The following UPF2 variants were observed in gnomAD, a reference collection of about 807,000 sequenced individuals.
UPF2 encodes the protein UPF2 regulator of nonsense mediated mRNA decay, also known as regulator of nonsense transcripts 2.
UPF2 carries 17 observed loss-of-function variants against 141.4 expected under a neutral mutation model. That is an observed-to-expected ratio of 0.12 (90% CI 0.08 to 0.18). The LOEUF (loss-of-function observed/expected upper bound fraction) is 0.18. Among genes scored for constraint, UPF2 ranks in the 10% least tolerant of loss-of-function variants. UPF2 has a pLI of 1.00. For synonymous variants in UPF2, 540 were observed against 498.0 expected (o/e 1.08, Z -1.12); for missense variants, 1,152 against 1,515.9 (o/e 0.76, Z 3.99).
chr10:11,977,748 T>C (rs1833529934), intron 9 of UPF2, among the ~76,000 whole-genome samples: 1 of 152,222 alleles, frequency 6.6e-6, no homozygotes, highest in African/African-American at 2.4e-5. Context: ...GTGTGTTCTT[T>C]GAGGGGCTCC....
In UPF2 at chr10:12,042,313, G is replaced by A. The variant is rs1288298013; in HGVS notation, c.-19+442C>T. Among the ~76,000 whole-genome samples, 2 of 151,492 alleles carry A rather than the reference G, an allele frequency of 1.3e-5. No homozygotes were observed. Among genetic ancestry groups the A allele is most frequent in the African/African-American group, 2.4e-5 (1 of 41,182 alleles). On this transcript the variant is annotated intron_variant, in intron 1 of 21. Coordinates refer to ENST00000357604, the MANE Select transcript of UPF2 (RefSeq NM_015542.4). This position sits in a 1 kb window ranked among gnomAD's most constrained non-coding sequence, Gnocchi z 5.5. The stretch of plus-strand genomic sequence containing the variant: ...ACTCCCTCGCCACAGAAGCCTTCCC[G>A]GCCGGTCTCCCCACTCCGCAGCCTC...
chr10:12,035,817 T>G (rs1023899640), intron 1 of UPF2: 1 of 156,284 alleles, frequency 6.4e-6, no homozygotes, highest in Non-Finnish European at 1.4e-5. Context: ...ACATTTTGAG[T>G]CAGCTTTAAC....
rs775895172 is a variant in UPF2, at chr10:11,999,930, A to G, written c.1734T>C (p.Cys578=). 2.5e-6 allele frequency: 4 copies of G among 1,614,022 alleles called. No individual in the cohort carries two copies. Among genetic ancestry groups the G allele is most frequent in the Non-Finnish European group, 3.4e-6 (4 of 1,179,962 alleles). ...CCTTGTCTATCAGATCTCGGTTGACACAGTTGGGTAACTGCTGTAGGAAAG... is the reference window on the plus strand; with the variant it reads ...CCTTGTCTATCAGATCTCGGTTGACGCAGTTGGGTAACTGCTGTAGGAAAG... ...VDAFLQQLPN[C]VNRDLIDKAA... is the part of the protein sequence containing the mutation. Residue 578 remains cysteine (C), a synonymous_variant, in exon 7 of 22, where the codon TGT becomes TGC. Coordinates refer to ENST00000357604, the MANE Select transcript of UPF2 (RefSeq NM_015542.4).
chr10:12,004,456 T>A (rs9943399), intron 5 of UPF2, 74 bp downstream of exon 5: 259,465 of 1,116,136 alleles, frequency 0.23, 32,638 homozygotes, highest in East Asian at 0.47. Flanking sequence ...ATATATATAT[T>A]TTTTTTTTAC....
intron 5 of UPF2, 86 bp downstream of exon 5, chr10:12,004,444 C>T (rs1304727700): frequency 2.8e-6 from 3 of 1,079,820 alleles, no homozygotes; most frequent in East Asian, 2.6e-5. Context: ...CTAGTAACTA[C>T]AATATATATA....
intron 4 of UPF2, among the ~76,000 whole-genome samples, chr10:12,010,245 A>G (rs926174201): frequency 6.6e-6 from 1 of 152,230 alleles, no homozygotes; most frequent in Non-Finnish European, 1.5e-5. Context: ...CGGGCAGCCA[A>G]AGAAGTAGAA....
At chr10:11,999,695 G>A (rs1833923290) in intron 7 of UPF2, among the ~76,000 whole-genome samples, 1 of 152,092 alleles carries the variant, frequency 6.6e-6, no homozygotes, top group Non-Finnish European at 1.5e-5. Flanking sequence ...GTATGAACAG[G>A]ACAGGATGCT....
chr10:11,951,035 T>C (rs1833067697), intron 15 of UPF2, among the ~76,000 whole-genome samples: 1 of 152,200 alleles, frequency 6.6e-6, no homozygotes, highest in Admixed American at 6.5e-5. Context: ...ACTAGCTTAA[T>C]AGTCTGAAAA....
At chr10:11,943,032 T>C (rs922726925) in intron 17 of UPF2, 32 bp downstream of exon 17, 1 of 1,517,526 alleles carries the variant, frequency 6.6e-7, no homozygotes, top group African/African-American at 1.4e-5. Context: ...TGCTGCACAA[T>C]TTCAAAAAGT....
intron 4 of UPF2, among the ~76,000 whole-genome samples, chr10:12,008,256 C>T (rs1834068264): frequency 6.6e-6 from 1 of 152,006 alleles, no homozygotes; most frequent in Non-Finnish European, 1.5e-5. Flanking sequence ...ATTTATAAAA[C>T]AGCCAATAAA....
At position 11,948,422 on chromosome 10, in the gene UPF2, C is replaced by G. The variant is rs767357550; in HGVS notation, c.3121G>C (p.Glu1041Gln). 6.2e-7 allele frequency: 1 copy of G among 1,612,026 alleles called. No homozygotes were observed. ...TCATTTCCAGATTGTTCTTCTGTTT[C>G]AGCCCCACCTTCTTCTTCTTCTTCA... ...EDEEEEEGGAETEEQSGNESE... is the reference protein window; with the variant it reads ...EDEEEEEGGAQTEEQSGNESE... The change falls in exon 16 of 22, where the codon GAA becomes CAA. Residue 1041 changes from glutamate (E) to glutamine (Q), a missense_variant. By Grantham distance (29) the Glu-to-Gln change is conservative. This residue lies in a region of UPF2 where 202 missense variants were observed against 223.6 expected (regional missense o/e 0.90). Coordinates refer to ENST00000357604, the MANE Select transcript of UPF2 (RefSeq NM_015542.4).
chr10:11,989,929 T>A (rs7091012), intron 8 of UPF2, among the ~76,000 whole-genome samples: 48,463 of 152,168 alleles, frequency 0.32, 9,900 homozygotes, highest in Non-Finnish European at 0.46. Context: ...TTTCAGAGGT[T>A]TGTTGTTCCT....
intron 2 of UPF2, among the ~76,000 whole-genome samples, chr10:12,031,046 C>T (rs1023792297): frequency 4.6e-5 from 7 of 151,596 alleles, no homozygotes; most frequent in Non-Finnish European, 7.4e-5. Flanking sequence ...CAGTGGCAGG[C>T]ACCTGTAATC....
At chr10:11,944,257 AAGGCTG>A (rs1400250019) in intron 16 of UPF2, among the ~76,000 whole-genome samples, 2 of 152,152 alleles carry the variant, frequency 1.3e-5, no homozygotes, top group Non-Finnish European at 2.9e-5. Flanking sequence ...AACACTTTGG[AAGGCTG>A]AGGTCAGGGG....
intron 3 of UPF2, among the ~76,000 whole-genome samples, chr10:12,025,122 G>A (rs1834396125): frequency 1.3e-5 from 2 of 152,008 alleles, no homozygotes; most frequent in African/African-American, 4.8e-5. Flanking sequence ...CTTCTCTATA[G>A]TGGCTGCTCA....
In UPF2 at chr10:12,026,527, G is replaced by A. The variant is rs141012465; in HGVS notation, c.1145+2218C>T. On this transcript the variant is annotated intron_variant, in intron 3 of 21. Transcript: ENST00000357604. ...CATGGGAATAAAAGTGGACACATAT[G>A]TCCTCTACTGGTATTCCTCAAACCA... The A allele has an allele frequency of 2.0e-5, 8 of 408,158 alleles. No individual in the cohort carries two copies. The East Asian group carries it at 5.6e-4, about 29-fold the overall frequency. 25.3% of individuals were successfully genotyped at this position (408,158 alleles called of 1,614,324 possible). A position where few individuals can be genotyped will look rare whatever the true frequency, so the allele number is the denominator to read the frequency against.
intron 8 of UPF2, among the ~76,000 whole-genome samples, chr10:11,982,034 A>AT (rs1474305339): frequency 1.6e-5 from 1 of 61,640 alleles, no homozygotes. Flanking sequence ...TGTTCCTACT[A>AT]TTAAAAAAAA....
In UPF2 at chr10:11,980,217, T is replaced by G. The variant is rs1833569655; in HGVS notation, c.1845-1052A>C. Among the ~76,000 whole-genome samples the G allele has an allele frequency of 6.6e-6, 1 of 152,192 alleles. No individual in the cohort carries two copies. The highest frequency in any genetic ancestry group is 2.4e-5 in the African/African-American group (1 of 41,454). On this transcript the variant is annotated intron_variant, in intron 8 of 21. Transcript: ENST00000357604. This position sits in a 1 kb window ranked among gnomAD's most constrained non-coding sequence, Gnocchi z 4.2. ...CAAGCTAAAATTTATTTTCCATTCC[T>G]GCCATAGATGTTATTTTGTAAAACC... is the stretch of plus-strand genomic sequence containing the variant.
intron 1 of UPF2, among the ~76,000 whole-genome samples, chr10:12,039,999 A>C (rs554528555): frequency 1.3e-5 from 2 of 152,226 alleles, no homozygotes; most frequent in African/African-American, 4.8e-5. Flanking sequence ...GTATCTGACA[A>C]ATTCACAAAG....
Sources: allele counts gnomAD v4.1 joint callset (sites outside exome capture counted in the v4.1 genomes callset), GRCh38; gene constraint gnomAD v4.1.1; regional missense constraint gnomAD v4.1.1; non-coding constraint Gnocchi (gnomAD v3.1); transcripts MANE v1.5; gene names NCBI Gene and HGNC (gene_info 2026-07-23, HGNC 2026-07-21).